Variants in GPC5 observed in about 807,000 individuals in gnomAD.
The protein encoded by GPC5 is glypican 5.
GPC5 carries 47 observed loss-of-function variants against 53.9 expected under a neutral mutation model. The ratio of observed to expected loss-of-function variants is 0.87; its 90% CI spans 0.69 to 1.11. The LOEUF is 1.11. Among genes scored for constraint, GPC5 ranks in the 50% most tolerant of loss-of-function variants. GPC5 has a pLI of 0.00. For synonymous variants in GPC5, 286 were observed against 263.3 expected, an observed-to-expected ratio of 1.09 and a Z score of -0.84; for missense variants, 748 against 713.1, an observed-to-expected ratio of 1.05 and a Z score of -0.56.
At chr13:91,494,100 C>T (rs1412795431) in intron 2 of GPC5, among the ~76,000 whole-genome samples, 1 of 151,560 alleles carries the variant, frequency 6.6e-6, no homozygotes, top group African/African-American at 2.4e-5. Flanking sequence ...ACATGTTGGC[C>T]AGGATGGTCT....
At chr13:92,225,300 T>C (rs138422702) in intron 7 of GPC5, among the ~76,000 whole-genome samples, 1 of 152,188 alleles carries the variant, frequency 6.6e-6, no homozygotes, top group Non-Finnish European at 1.5e-5. Flanking sequence ...TTTTAAGCTA[T>C]TTGAATGTGT....
chr13:91,521,139 A>T (rs751387644), intron 2 of GPC5, among the ~76,000 whole-genome samples: 15 of 152,218 alleles, frequency 9.9e-5, no homozygotes, highest in Non-Finnish European at 2.1e-4. Flanking sequence ...TTTCACATGT[A>T]CCATGCTGTT....
chr13:92,307,604 C>T (rs2043119109), intron 7 of GPC5, among the ~76,000 whole-genome samples: 2 of 152,246 alleles, frequency 1.3e-5, no homozygotes, highest in African/African-American at 4.8e-5. Context: ...CATTTTTGGC[C>T]TTGGCCAAAG....
intron 5 of GPC5, among the ~76,000 whole-genome samples, chr13:91,871,820 A>T (rs984628164): frequency 3.9e-5 from 6 of 152,076 alleles, no homozygotes; most frequent in African/African-American, 1.4e-4. Flanking sequence ...CCATGACGCT[A>T]GATTAGTGCA....
chr13:91,862,214 G>T (rs181276182), intron 5 of GPC5, among the ~76,000 whole-genome samples: 7 of 152,166 alleles, frequency 4.6e-5, no homozygotes, highest in Admixed American at 4.6e-4. Context: ...GTGAAGATTT[G>T]CTGGTGACAA....
At chr13:92,262,934 T>G (rs2042776637) in intron 7 of GPC5, among the ~76,000 whole-genome samples, 1 of 152,134 alleles carries the variant, frequency 6.6e-6, no homozygotes, top group Admixed American at 6.6e-5. Flanking sequence ...TGTCTTTTTA[T>G]CCCGGTATTA....
chr13:92,536,903 T>A (rs1881744304), intron 7 of GPC5, among the ~76,000 whole-genome samples: 1 of 152,166 alleles, frequency 6.6e-6, no homozygotes. Flanking sequence ...TTAGTGTATA[T>A]GTCTGTCTAA....
At chr13:92,508,194 C>G in intron 7 of GPC5, among the ~76,000 whole-genome samples, 1 of 152,168 alleles carries the variant, frequency 6.6e-6, no homozygotes, top group Non-Finnish European at 1.5e-5. Flanking sequence ...GATCCCATGA[C>G]TTCGTGATCT....
chr13:91,728,328 T>C (rs1261277517), intron 3 of GPC5, among the ~76,000 whole-genome samples: 1 of 152,110 alleles, frequency 6.6e-6, no homozygotes, highest in East Asian at 1.9e-4. Context: ...GTCCATGACA[T>C]CCATTTATCA....
chr13:91,964,873 C>T (rs1390994355), intron 6 of GPC5, among the ~76,000 whole-genome samples: 2 of 152,014 alleles, frequency 1.3e-5, no homozygotes, highest in Non-Finnish European at 1.5e-5. Context: ...GAAAATGTGG[C>T]ACATATACAC....
At chr13:91,789,652 A>T (rs2037932662) in intron 5 of GPC5, among the ~76,000 whole-genome samples, 1 of 152,228 alleles carries the variant, frequency 6.6e-6, no homozygotes, top group South Asian at 2.1e-4. Context: ...CTATACAGAC[A>T]ATGTAAAGGG....
chr13:92,620,392 G>A (rs1173471368), intron 7 of GPC5, among the ~76,000 whole-genome samples: 2 of 152,116 alleles, frequency 1.3e-5, no homozygotes, highest in African/African-American at 4.8e-5. Context: ...CTAAAAAGAA[G>A]CATCTTAGGT....
Position 91,587,148 on chromosome 13 carries a change from G to T in GPC5, c.326-106039G>T, listed in dbSNP as rs534523941. Reference sequence around the variant, plus strand: ...CAACTCAAACTTCTTTGATTTTTCTGGGTGGTATACTTATGCGTTAATAAC... The same window carrying T: ...CAACTCAAACTTCTTTGATTTTTCTTGGTGGTATACTTATGCGTTAATAAC... On this transcript the variant is annotated intron_variant, in intron 2 of 7. Transcript: ENST00000377067. Among the ~76,000 whole-genome samples the T allele has an allele frequency of 2.6e-5, 4 of 152,116 alleles. No individual in the cohort carries two copies. In the East Asian group the frequency reaches 7.7e-4, roughly 29 times the overall value.
At chr13:91,629,630 C>T (rs908422365) in intron 2 of GPC5, among the ~76,000 whole-genome samples, 2 of 151,940 alleles carry the variant, frequency 1.3e-5, no homozygotes, top group Non-Finnish European at 1.5e-5. Flanking sequence ...GTGACAAGAG[C>T]AAAACTACAT....
chr13:92,507,167 C>T (rs537156667), intron 7 of GPC5, among the ~76,000 whole-genome samples: 13 of 152,292 alleles, frequency 8.5e-5, no homozygotes, highest in Admixed American at 6.5e-4. Context: ...CCTAATCATT[C>T]TCTACTCCCC....
At chr13:92,573,245 G>C (rs987290207) in intron 7 of GPC5, among the ~76,000 whole-genome samples, 11 of 152,148 alleles carry the variant, frequency 7.2e-5, no homozygotes, top group Non-Finnish European at 1.5e-4. Context: ...TTCCTCAGGT[G>C]TGCCTAATAA....
At chr13:91,785,511 A>C (rs1172969278) in intron 5 of GPC5, among the ~76,000 whole-genome samples, 1 of 84,434 alleles carries the variant, frequency 1.2e-5, no homozygotes, top group African/African-American at 5.6e-5. Flanking sequence ...ATTGATTAAC[A>C]TATTTATTTT....
chr13:91,430,506 CT>C (rs1252966895), intron 1 of GPC5, among the ~76,000 whole-genome samples: 1 of 152,080 alleles, frequency 6.6e-6, no homozygotes, highest in Non-Finnish European at 1.5e-5. Flanking sequence ...ATTAAGGATA[CT>C]TTCTCTTCTT....
intron 7 of GPC5, among the ~76,000 whole-genome samples, chr13:92,540,131 G>A (rs188272169): frequency 8.2e-4 from 124 of 151,822 alleles, no homozygotes; most frequent in Middle Eastern, 3.4e-3. Context: ...ACAATATATC[G>A]ATATAGATTA....
Sources: gnomAD v4.1 joint callset for allele counts (sites outside exome capture counted in the v4.1 genomes callset) on GRCh38, gnomAD v4.1.1 for gene constraint, MANE v1.5 for transcripts, NCBI Gene and HGNC (gene_info 2026-07-23, HGNC 2026-07-21) for gene names.